PAQR5: variants seen among roughly 807,000 people sequenced by gnomAD.
PAQR5 encodes the protein progestin and adipoQ receptor family member 5.
In PAQR5, 20 loss-of-function variants were observed where a neutral mutation model predicts 34.5. The ratio of observed to expected loss-of-function variants is 0.58; its 90% CI spans 0.41 to 0.84. The LOEUF (loss-of-function observed/expected upper bound fraction) is 0.84, where lower values mean the gene tolerates loss of function less well. PAQR5 is among the 40% of genes least tolerant of loss of function. The pLI is 0.00. For missense variants in PAQR5, 378 were observed against 412.7 expected, an observed-to-expected ratio of 0.92 and a Z score of 0.73; for synonymous variants, 131 against 155.6, an observed-to-expected ratio of 0.84 and a Z score of 1.18.
chr15:69,315,498 T>C (rs2053925923), intron 1 of PAQR5, among the ~76,000 whole-genome samples: 1 of 152,184 alleles, frequency 6.6e-6, no homozygotes, highest in Admixed American at 6.5e-5. Flanking sequence ...TCACAGGGGC[T>C]GGCCCCTGAC....
intron 1 of PAQR5, among the ~76,000 whole-genome samples, chr15:69,309,114 A>G (rs997803290): frequency 2.2e-4 from 33 of 152,134 alleles, no homozygotes; most frequent in African/African-American, 7.7e-4. Flanking sequence ...GTTGGAAGCT[A>G]CATGCATACA....
intron 1 of PAQR5, among the ~76,000 whole-genome samples, chr15:69,300,052 G>C (rs557762143): frequency 6.6e-6 from 1 of 152,092 alleles, no homozygotes; most frequent in African/African-American, 2.4e-5. Flanking sequence ...ACTGAGTGGC[G>C]GGTTTCCCAC....
chr15:69,325,689 G>A lies in PAQR5; in HGVS notation c.-276-11652G>A, dbSNP rs149581119. On this transcript the variant is annotated intron_variant, in intron 1 of 8. Transcript: ENST00000395407. ...CCAGCCCCAGGGCAGGTGCAAACTC[G>A]GAACTACATTAACCCAAGCAGCCTA... 3.0e-3 allele frequency among the ~76,000 whole-genome samples: 452 copies of A among 152,234 alleles called. 2 individuals are homozygous for A. Among genetic ancestry groups the A allele is most frequent in the African/African-American group, 8.6e-3 (356 of 41,530 alleles).
At chr15:69,320,627 A>G (rs75950694) in intron 1 of PAQR5, among the ~76,000 whole-genome samples, 1 of 152,222 alleles carries the variant, frequency 6.6e-6, no homozygotes, top group Admixed American at 6.5e-5. Flanking sequence ...AAATATAAAA[A>G]TGCTTTAGAA....
In PAQR5 at chr15:69,308,656, G is replaced by A. The variant is rs561199861; in HGVS notation, c.-277+9600G>A. ...GATCCATTGGTCTAAGGGTCAAAAA[G>A]GTTTCTTTGAGGTAGTTATGTTAAT... On this transcript the variant is annotated intron_variant, in intron 1 of 8. Transcript: ENST00000395407. Among the ~76,000 whole-genome samples, 4 of 152,218 alleles carry A rather than the reference G, an allele frequency of 2.6e-5. No homozygotes were observed. In the South Asian group the frequency reaches 8.3e-4, roughly 32 times the overall value.
At chr15:69,307,324 C>A (rs566449027) in intron 1 of PAQR5, among the ~76,000 whole-genome samples, 2 of 152,154 alleles carry the variant, frequency 1.3e-5, no homozygotes, top group African/African-American at 2.4e-5. Context: ...CCTTTGGATG[C>A]GTGCCCAGAA....
chr15:69,343,489 G>A (rs1426150085), intron 2 of PAQR5, among the ~76,000 whole-genome samples: 1 of 152,198 alleles, frequency 6.6e-6, no homozygotes, highest in African/African-American at 2.4e-5. Context: ...TCTTCCACTT[G>A]CAAGTCCTGG....
At chr15:69,364,883 G>A (rs1005930637) in intron 3 of PAQR5, among the ~76,000 whole-genome samples, 1 of 147,804 alleles carries the variant, frequency 6.8e-6, no homozygotes, top group Non-Finnish European at 1.5e-5. Flanking sequence ...GATCACAGGT[G>A]TCCGCCACCA....
intron 6 of PAQR5, among the ~76,000 whole-genome samples, chr15:69,395,647 G>T (rs2056402577): frequency 1.3e-5 from 2 of 152,184 alleles, no homozygotes; most frequent in Non-Finnish European, 2.9e-5. Flanking sequence ...GTACACAAAG[G>T]TTAGTGACCT....
At chr15:69,402,712 CA>C (rs763580571) in intron 8 of PAQR5, among the ~76,000 whole-genome samples, 1 of 152,198 alleles carries the variant, frequency 6.6e-6, no homozygotes, top group Non-Finnish European at 1.5e-5. Flanking sequence ...ATCCTATCTG[CA>C]AATATGGTCT....
intron 1 of PAQR5, among the ~76,000 whole-genome samples, chr15:69,336,248 C>T (rs929047848): frequency 2.6e-5 from 4 of 152,256 alleles, no homozygotes; most frequent in Non-Finnish European, 2.9e-5. Flanking sequence ...ATTTGACAAA[C>T]TTTCCAAAAT....
At chr15:69,351,146 T>C (rs1443577913) in intron 2 of PAQR5, among the ~76,000 whole-genome samples, 2 of 152,214 alleles carry the variant, frequency 1.3e-5, no homozygotes, top group South Asian at 2.1e-4. Flanking sequence ...ATGGTGGAAA[T>C]GGCCAAATGA....
At position 69,364,467 on chromosome 15, in the gene PAQR5, T is replaced by C. The variant is rs796473685; in HGVS notation, c.51+4336T>C. Among the ~76,000 whole-genome samples, 243 of 122,242 alleles carry C rather than the reference T, an allele frequency of 2.0e-3. 2 individuals are homozygous for C. The highest frequency in any genetic ancestry group is 8.8e-3 in the African/African-American group (234 of 26,678). The allele number at this position is 122,242 out of a possible 152,430, so 80.2% of individuals were successfully genotyped here. On this transcript the variant is annotated intron_variant, in intron 3 of 8. Transcript: ENST00000395407. ...ATATATATTATATACATGTAATATA[T>C]ATTATATATGTAATATATATACATT... is the stretch of plus-strand genomic sequence containing the variant.
At chr15:69,384,117 G>GC (rs1168284893) in intron 4 of PAQR5, among the ~76,000 whole-genome samples, 7 of 133,072 alleles carry the variant, frequency 5.3e-5, no homozygotes, top group Admixed American at 1.5e-4. Flanking sequence ...GGGTGAGTGG[G>GC]CCTCTGTGCT....
intron 6 of PAQR5, among the ~76,000 whole-genome samples, chr15:69,390,348 A>ATTTTTTTTTTTTTTTTT (rs67519047): frequency 8.0e-6 from 1 of 124,828 alleles, no homozygotes; most frequent in African/African-American, 2.8e-5. Context: ...TTATTTATTT[A>ATTTTTTTTTTTTTTTTT]TTTATTTATT....
chr15:69,305,999 T>C (rs971705001), intron 1 of PAQR5, among the ~76,000 whole-genome samples: 2 of 152,146 alleles, frequency 1.3e-5, no homozygotes, highest in Non-Finnish European at 2.9e-5. Flanking sequence ...CATTCCTTCA[T>C]TGAAGAAACT....
At chr15:69,324,786 G>C (rs750231730) in intron 1 of PAQR5, among the ~76,000 whole-genome samples, 1 of 152,024 alleles carries the variant, frequency 6.6e-6, no homozygotes, top group Non-Finnish European at 1.5e-5. Context: ...ATAGGTCCTC[G>C]AATGGCACGC....
chr15:69,390,703 G>A (rs940977456), intron 6 of PAQR5, among the ~76,000 whole-genome samples: 4 of 152,166 alleles, frequency 2.6e-5, no homozygotes, highest in Non-Finnish European at 5.9e-5. Context: ...CCATAAATGT[G>A]TGGTCACTAA....
intron 1 of PAQR5, among the ~76,000 whole-genome samples, chr15:69,325,378 G>A (rs1045105846): frequency 5.3e-5 from 8 of 152,122 alleles, no homozygotes; most frequent in East Asian, 1.9e-4. Flanking sequence ...CAGAGGGAAC[G>A]AGCACCCACC....
Sources: allele counts gnomAD v4.1 joint callset (sites outside exome capture counted in the v4.1 genomes callset), GRCh38; gene constraint gnomAD v4.1.1; transcripts MANE v1.5; gene names NCBI Gene and HGNC (gene_info 2026-07-23, HGNC 2026-07-21).